SH3GL2: variants seen among roughly 807,000 people sequenced by gnomAD.
The protein encoded by SH3GL2 is endophilin-A1.
Under a neutral mutation model 46.0 loss-of-function variants are expected in SH3GL2, and 24 were observed. That is an observed-to-expected ratio of 0.52 (90% confidence interval 0.38 to 0.73). The LOEUF is 0.73. Ranked by LOEUF, SH3GL2 falls within the 30% of genes least tolerant of loss-of-function variation. SH3GL2 has a pLI of 0.00. For missense variants in SH3GL2, 413 were observed against 424.2 expected (o/e 0.97, Z 0.23); for synonymous variants, 196 against 147.1 (o/e 1.33, Z -2.40).
At chr9:17,625,984 AGCT>A (rs1235280907) in intron 1 of SH3GL2, among the ~76,000 whole-genome samples, 1 of 152,198 alleles carries the variant, frequency 6.6e-6, no homozygotes, top group Admixed American at 6.5e-5. Context: ...AGAGCAGAAA[AGCT>A]GTTTTCTTCT....
At chr9:17,762,912 T>C (rs1293459061) in intron 3 of SH3GL2, among the ~76,000 whole-genome samples, 1 of 152,156 alleles carries the variant, frequency 6.6e-6, no homozygotes, top group Non-Finnish European at 1.5e-5. Context: ...GAAATCATTA[T>C]ATAGGGGCAA....
chr9:17,709,569 A>T (rs183004766), intron 1 of SH3GL2, among the ~76,000 whole-genome samples: 1 of 152,026 alleles, frequency 6.6e-6, no homozygotes, highest in East Asian at 1.9e-4. Flanking sequence ...ACAACTGAAG[A>T]TGAAAACTAG....
At chr9:17,662,691 T>G (rs1346696401) in intron 1 of SH3GL2, among the ~76,000 whole-genome samples, 1 of 151,026 alleles carries the variant, frequency 6.6e-6, no homozygotes, top group Non-Finnish European at 1.5e-5. Context: ...GCTTTCAGTT[T>G]TTTGGCCAAG....
intron 2 of SH3GL2, among the ~76,000 whole-genome samples, chr9:17,748,496 G>A (rs1397943306): frequency 1.3e-5 from 2 of 151,956 alleles, no homozygotes; most frequent in African/African-American, 4.8e-5. Flanking sequence ...CAGTTTTGCT[G>A]TTTTTACTAT....
intron 3 of SH3GL2, among the ~76,000 whole-genome samples, chr9:17,775,984 G>A (rs1370983331): frequency 2.0e-5 from 3 of 152,152 alleles, no homozygotes; most frequent in Non-Finnish European, 4.4e-5. Context: ...TGAGAATACA[G>A]CAATTTAAAT....
intron 1 of SH3GL2, among the ~76,000 whole-genome samples, chr9:17,645,622 C>T (rs761500174): frequency 1.8e-4 from 27 of 152,074 alleles, no homozygotes; most frequent in Non-Finnish European, 3.4e-4. Flanking sequence ...ATTTCTCCTT[C>T]ATTTATGAAG....
chr9:17,675,192 G>A (rs1820576515), intron 1 of SH3GL2, among the ~76,000 whole-genome samples: 1 of 152,146 alleles, frequency 6.6e-6, no homozygotes, highest in Non-Finnish European at 1.5e-5. Flanking sequence ...CACATTGGGA[G>A]CTCATCTTCC....
chr9:17,642,858 A>T (rs1819718410), intron 1 of SH3GL2, among the ~76,000 whole-genome samples: 1 of 152,156 alleles, frequency 6.6e-6, no homozygotes, highest in South Asian at 2.1e-4. Context: ...TATGACATTT[A>T]AAGTAGTTTT....
At chr9:17,681,769 A>C (rs1351750482) in intron 1 of SH3GL2, among the ~76,000 whole-genome samples, 1 of 152,180 alleles carries the variant, frequency 6.6e-6, no homozygotes, top group African/African-American at 2.4e-5. Context: ...TGAATAGGCA[A>C]CCAAAGAATA....
rs891926338 is a variant in SH3GL2 at position 17,626,224 on chromosome 9, G to A, written c.45+46937G>A. 3.3e-5 allele frequency among the ~76,000 whole-genome samples: 5 copies of A among 152,170 alleles called. No individual in the cohort carries two copies. The East Asian group carries it at 7.7e-4, about 24-fold the overall frequency. On this transcript the variant is annotated intron_variant, in intron 1 of 8. Transcript: ENST00000380607. ...CCACCTGGCACCTGCTTCTTTTATTGCCTCCATATGTCAAGGGGATATGAG... is the reference window on the plus strand; with the variant it reads ...CCACCTGGCACCTGCTTCTTTTATTACCTCCATATGTCAAGGGGATATGAG...
intron 1 of SH3GL2, among the ~76,000 whole-genome samples, chr9:17,746,294 T>G (rs1013239641): frequency 3.3e-5 from 5 of 152,156 alleles, no homozygotes; most frequent in Admixed American, 1.3e-4. Flanking sequence ...GCCAGGATGG[T>G]CTCAATCTCC....
At chr9:17,780,051 A>G (rs757453624) in intron 3 of SH3GL2, among the ~76,000 whole-genome samples, 2 of 152,192 alleles carry the variant, frequency 1.3e-5, no homozygotes, top group Non-Finnish European at 2.9e-5. Flanking sequence ...TGCCAAACCA[A>G]TTACATCAGA....
intron 1 of SH3GL2, among the ~76,000 whole-genome samples, chr9:17,734,428 G>A (rs902514662): frequency 2.0e-5 from 3 of 152,044 alleles, no homozygotes; most frequent in Non-Finnish European, 4.4e-5. Flanking sequence ...CAATTATACT[G>A]TACAGTCTTC....
Position 17,615,601 on chromosome 9 carries a change from G to A in SH3GL2, c.45+36314G>A, listed in dbSNP as rs1818973056. Among the ~76,000 whole-genome samples, 3 of 144,396 alleles carry A rather than the reference G, an allele frequency of 2.1e-5. No individual in the cohort carries two copies. In the South Asian group the frequency reaches 6.5e-4, roughly 31 times the overall value. The allele number at this position is 144,396 out of a possible 152,430, so 94.7% of individuals were successfully genotyped here. On this transcript the variant is annotated intron_variant, in intron 1 of 8. Coordinates refer to ENST00000380607, the MANE Select transcript of SH3GL2 (RefSeq NM_003026.5). ...ACCCAGGAGGCAGAGGTTGCAGTGAGCCGAGATTGCGCCACTGCACTCCAG... is the reference window on the plus strand; with the variant it reads ...ACCCAGGAGGCAGAGGTTGCAGTGAACCGAGATTGCGCCACTGCACTCCAG...
rs762920242 is a variant in SH3GL2 at position 17,614,295 on chromosome 9, G to GGAAAAAAAA, written c.45+35008_45+35009insGAAAAAAAA. Among the ~76,000 whole-genome samples the GGAAAAAAAA allele has an allele frequency of 3.0e-4, 21 of 70,296 alleles. 2 individuals carry two copies. Among genetic ancestry groups the GGAAAAAAAA allele is most frequent in the East Asian group, 2.1e-3 (4 of 1,918 alleles). The allele number at this position is 70,296 out of a possible 152,430, so 46.1% of individuals were successfully genotyped here. On this transcript the variant is annotated intron_variant, in intron 1 of 8. Transcript: ENST00000380607. The stretch of plus-strand genomic sequence containing the variant: ...GTGACAGGGAACATGCATGGTTTCT[G>GGAAAAAAAA]AAAAAAAAAAAAAAAAAAAAAAAAA...
chr9:17,662,692 T>C lies in SH3GL2; in HGVS notation c.45+83405T>C, dbSNP rs183883117. On this transcript the variant is annotated intron_variant, in intron 1 of 8. Transcript: ENST00000380607. The stretch of plus-strand genomic sequence containing the variant: ...ATGTAAAAATACATGCTTTCAGTTT[T>C]TTGGCCAAGTCTTTTTTTTTTTTTT... Among the ~76,000 whole-genome samples the C allele has an allele frequency of 1.4e-3, 204 of 150,926 alleles. 1 individual carries two copies. The highest frequency in any genetic ancestry group is 2.3e-3 in the Admixed American group (34 of 14,876).
intron 2 of SH3GL2, among the ~76,000 whole-genome samples, chr9:17,760,676 T>C (rs1823143952): frequency 1.3e-5 from 2 of 152,160 alleles, no homozygotes. Context: ...ATACCTTGAA[T>C]AGGAGGATGC....
At chr9:17,773,412 G>A (rs1001074621) in intron 3 of SH3GL2, among the ~76,000 whole-genome samples, 4 of 152,072 alleles carry the variant, frequency 2.6e-5, no homozygotes, top group African/African-American at 7.2e-5. Context: ...GCTTTTGCCT[G>A]TGTTTTCTTC....
chr9:17,685,809 C>G (rs997777902), intron 1 of SH3GL2, among the ~76,000 whole-genome samples: 3 of 152,106 alleles, frequency 2.0e-5, no homozygotes, highest in African/African-American at 7.2e-5. Context: ...TGATCTATAT[C>G]TCTGTTTTGG....
Sources: allele counts gnomAD v4.1 joint callset (sites outside exome capture counted in the v4.1 genomes callset), GRCh38; gene constraint gnomAD v4.1.1; transcripts MANE v1.5; gene names NCBI Gene and HGNC (gene_info 2026-07-23, HGNC 2026-07-21).